KRABD3: variants seen among roughly 807,000 people sequenced by gnomAD.
The protein encoded by KRABD3 is KRAB domain-containing protein 3.
the KRABD3 span, chr7:149,730,672 C>T: frequency 1.4e-6 from 2 of 1,391,178 alleles, no homozygotes; most frequent in Non-Finnish European, 1.9e-6. Context: ...TGGCTCTTGC[C>T]AGGGAGTCCT....
At chr7:149,725,282 G>A in the KRABD3 span, 1 of 1,534,644 alleles carries the variant, frequency 6.5e-7, no homozygotes, top group East Asian at 2.4e-5. Context: ...GAATGTGTGG[G>A]AGATGGTAAC....
the KRABD3 span, chr7:149,721,462 C>T: frequency 1.2e-6 from 2 of 1,612,892 alleles, no homozygotes; most frequent in African/African-American, 1.3e-5. Context: ...CCCACCTGGC[C>T]ACCACGCCCA....
At chr7:149,722,925 A>G in the KRABD3 span, 2 of 1,606,932 alleles carry the variant, frequency 1.2e-6, no homozygotes, top group Non-Finnish European at 1.7e-6. Context: ...TAACCAGAGC[A>G]GACCTGGGGC....
the KRABD3 span, chr7:149,731,769 A>G: frequency 6.2e-7 from 1 of 1,609,168 alleles, no homozygotes; most frequent in Non-Finnish European, 8.5e-7. Flanking sequence ...GAAGACCCAG[A>G]GTTGCAGGTG....
At chr7:149,716,938 C>T in the KRABD3 span, among the ~76,000 whole-genome samples, 26 of 152,268 alleles carry the variant, frequency 1.7e-4, no homozygotes, top group African/African-American at 6.0e-4. Context: ...CAGATGAGTT[C>T]ACTGAGGCCC....
At chr7:149,716,693 G>C in the KRABD3 span, among the ~76,000 whole-genome samples, 3 of 152,210 alleles carry the variant, frequency 2.0e-5, no homozygotes, top group African/African-American at 4.8e-5. Context: ...TGGAAGAGCT[G>C]GGATATATTT....
chr7:149,728,864 T>C, the KRABD3 span, among the ~76,000 whole-genome samples: 1 of 152,156 alleles, frequency 6.6e-6, no homozygotes. Flanking sequence ...GCTGGCACCT[T>C]AGTGCCACTG....
chr7:149,734,292 C>T, the KRABD3 span: 1 of 543,702 alleles, frequency 1.8e-6, no homozygotes. Context: ...ATGTTGCTTC[C>T]CTCTCCTGTC....
the KRABD3 span, chr7:149,720,776 T>G: frequency 1.3e-5 from 20 of 1,487,712 alleles, no homozygotes; most frequent in African/African-American, 2.8e-5. Flanking sequence ...AACACGCACG[T>G]AGGTGTGAGT....
At chr7:149,715,239 C>T in the KRABD3 span, 2 of 1,217,514 alleles carry the variant, frequency 1.6e-6, no homozygotes. Flanking sequence ...CTCTCTCCAG[C>T]TCTCCGCCGC....
the KRABD3 span, chr7:149,723,787 C>T: frequency 1.9e-6 from 3 of 1,614,018 alleles, no homozygotes; most frequent in Non-Finnish European, 1.7e-6. Context: ...GCTACACTGT[C>T]TGAAGGAGCT....
the KRABD3 span, chr7:149,722,741 T>G: frequency 6.4e-7 from 1 of 1,560,270 alleles, no homozygotes; most frequent in Non-Finnish European, 8.7e-7. Context: ...CGGTGTCCCG[T>G]CAGGACTGCA....
At chr7:149,728,672 G>A in the KRABD3 span, 1 of 1,613,340 alleles carries the variant, frequency 6.2e-7, no homozygotes, top group Non-Finnish European at 8.5e-7. Flanking sequence ...AGCAGACAAG[G>A]AAGGTAATAG....
At chr7:149,729,551 A>G in the KRABD3 span, 1 of 985,456 alleles carries the variant, frequency 1.0e-6, no homozygotes, top group Non-Finnish European at 1.2e-6. Context: ...AGTGTCACAA[A>G]GTGCTGACAA....
chr7:149,717,274 A>C, the KRABD3 span, among the ~76,000 whole-genome samples: 1 of 152,092 alleles, frequency 6.6e-6, no homozygotes, highest in Non-Finnish European at 1.5e-5. Flanking sequence ...ACACCACGTC[A>C]TTTGCTCAGC....
the KRABD3 span, chr7:149,730,670 G>A: frequency 7.1e-7 from 1 of 1,405,432 alleles, no homozygotes; most frequent in Non-Finnish European, 9.6e-7. Context: ...CCTGGCTCTT[G>A]CCAGGGAGTC....
chr7:149,731,026 C>T, the KRABD3 span, among the ~76,000 whole-genome samples: 2 of 152,194 alleles, frequency 1.3e-5, no homozygotes, highest in South Asian at 4.1e-4. Context: ...CTGTGACCCA[C>T]TGTTTGCTCC....
chr7:149,723,978 C>T, the KRABD3 span: 2 of 1,403,748 alleles, frequency 1.4e-6, no homozygotes, highest in Non-Finnish European at 2.0e-6. Context: ...CCACCACAAA[C>T]ACTCAGGCCC....
At chr7:149,726,115 C>T in the KRABD3 span, 3 of 1,499,332 alleles carry the variant, frequency 2.0e-6, no homozygotes, top group Non-Finnish European at 2.7e-6. Flanking sequence ...CTCAAGGCCC[C>T]TTGCCCAGTC....
Sources: allele counts gnomAD v4.1 joint callset (sites outside exome capture counted in the v4.1 genomes callset), GRCh38; gene constraint gnomAD v4.1.1; transcripts MANE v1.5; gene names NCBI Gene and HGNC (gene_info 2026-07-23, HGNC 2026-07-21).